Variants in NELL1 observed in about 807,000 individuals in gnomAD.
NELL1 encodes neural EGFL like 1.
A neutral mutation model predicts 107.4 loss-of-function variants in NELL1; 76 were observed. The observed-to-expected ratio is 0.71, with a 90% confidence interval of 0.59 to 0.86. The LOEUF (loss-of-function observed/expected upper bound fraction) is 0.86. Among genes scored for constraint, NELL1 ranks in the 40% least tolerant of loss-of-function variants. NELL1 has a pLI of 0.00. For missense variants in NELL1, 1,024 were observed against 1,005.5 expected, an observed-to-expected ratio of 1.02 and a Z score of -0.25; for synonymous variants, 353 against 341.2, an observed-to-expected ratio of 1.03 and a Z score of -0.38.
At chr11:21,200,281 A>G (rs1857239982) in intron 13 of NELL1, among the ~76,000 whole-genome samples, 1 of 152,080 alleles carries the variant, frequency 6.6e-6, no homozygotes, top group Non-Finnish European at 1.5e-5. Context: ...AAGCATTCCT[A>G]TTTCTCCACA....
At chr11:20,691,582 A>T (rs961379453) in intron 2 of NELL1, among the ~76,000 whole-genome samples, 3 of 152,166 alleles carry the variant, frequency 2.0e-5, no homozygotes, top group Admixed American at 6.6e-5. Flanking sequence ...ATGCTGGATT[A>T]CATTTATTGA....
intron 15 of NELL1, among the ~76,000 whole-genome samples, chr11:21,448,687 C>T (rs1009634461): frequency 6.6e-6 from 1 of 152,096 alleles, no homozygotes; most frequent in Admixed American, 6.5e-5. Flanking sequence ...TCAAGCAATC[C>T]TAAAATTTCC....
chr11:21,415,845 T>A (rs1433773383), intron 15 of NELL1, among the ~76,000 whole-genome samples: 1 of 152,086 alleles, frequency 6.6e-6, no homozygotes, highest in Non-Finnish European at 1.5e-5. Context: ...GTATGCCAAA[T>A]GACACTTTAA....
intron 15 of NELL1, among the ~76,000 whole-genome samples, chr11:21,393,313 A>G (rs1471432842): frequency 3.3e-5 from 5 of 151,596 alleles, no homozygotes; most frequent in Non-Finnish European, 5.9e-5. Flanking sequence ...GAAATAGTGT[A>G]GAAAGACCAG....
intron 3 of NELL1, among the ~76,000 whole-genome samples, chr11:20,837,535 C>T (rs1343671564): frequency 6.6e-6 from 1 of 152,152 alleles, no homozygotes; most frequent in Non-Finnish European, 1.5e-5. Context: ...GCATACCATT[C>T]TCCAGTAGAA....
intron 14 of NELL1, among the ~76,000 whole-genome samples, chr11:21,338,360 G>A (rs1850484000): frequency 6.6e-6 from 1 of 152,168 alleles, no homozygotes; most frequent in African/African-American, 2.4e-5. Context: ...AATACATATG[G>A]TTGCCCATCA....
intron 12 of NELL1, among the ~76,000 whole-genome samples, chr11:21,066,329 T>C (rs1853868950): frequency 6.6e-6 from 1 of 152,198 alleles, no homozygotes; most frequent in Non-Finnish European, 1.5e-5. Flanking sequence ...GCATGGATAG[T>C]TGCCTGTGAT....
chr11:21,491,673 C>T (rs566443125), intron 15 of NELL1, among the ~76,000 whole-genome samples: 22 of 152,126 alleles, frequency 1.4e-4, no homozygotes, highest in Middle Eastern at 3.4e-3. Flanking sequence ...ATTGTCTTGG[C>T]GATGTGGGCT....
At chr11:20,996,810 C>T (rs1006160231) in intron 12 of NELL1, among the ~76,000 whole-genome samples, 1 of 152,076 alleles carries the variant, frequency 6.6e-6, no homozygotes, top group African/African-American at 2.4e-5. Flanking sequence ...GGGTTTTTAT[C>T]TTCCCGATTT....
intron 12 of NELL1, among the ~76,000 whole-genome samples, chr11:20,977,264 A>ATTTTTT (rs558154042): frequency 7.6e-6 from 1 of 131,166 alleles, no homozygotes; most frequent in Non-Finnish European, 1.6e-5. Context: ...AATTAAATCT[A>ATTTTTT]TTTTTTTTTT....
chr11:21,186,379 G>A (rs1372926692), intron 13 of NELL1, among the ~76,000 whole-genome samples: 2 of 151,878 alleles, frequency 1.3e-5, no homozygotes, highest in Non-Finnish European at 2.9e-5. Flanking sequence ...GTGAGTATAT[G>A]TGTGTTCATA....
chr11:21,427,168 G>T (rs946106330), intron 15 of NELL1, among the ~76,000 whole-genome samples: 5 of 152,100 alleles, frequency 3.3e-5, no homozygotes, highest in Non-Finnish European at 7.4e-5. Flanking sequence ...TTTTCATGTC[G>T]CTATGTCTCA....
intron 12 of NELL1, among the ~76,000 whole-genome samples, chr11:21,043,366 C>T (rs559517069): frequency 7.9e-5 from 12 of 152,168 alleles, no homozygotes; most frequent in African/African-American, 2.4e-4. Flanking sequence ...GATTTTAATA[C>T]ATGCTAGATG....
chr11:21,158,208 C>T (rs1184029653), intron 13 of NELL1, among the ~76,000 whole-genome samples: 1 of 152,088 alleles, frequency 6.6e-6, no homozygotes, highest in Non-Finnish European at 1.5e-5. Context: ...GCCTCTTGGG[C>T]CTTTGGCCAG....
At chr11:20,871,107 G>A (rs1016716267) in intron 4 of NELL1, among the ~76,000 whole-genome samples, 1 of 152,198 alleles carries the variant, frequency 6.6e-6, no homozygotes, top group Non-Finnish European at 1.5e-5. Flanking sequence ...GTTCTTAATA[G>A]AAGTAGCTAC....
intron 2 of NELL1, among the ~76,000 whole-genome samples, chr11:20,712,766 G>A (rs1340547827): frequency 1.3e-5 from 2 of 152,180 alleles, no homozygotes; most frequent in East Asian, 1.9e-4. Context: ...TAGCCATCCA[G>A]TGGGGCTACC....
intron 14 of NELL1, among the ~76,000 whole-genome samples, chr11:21,362,010 G>C (rs2133739037): frequency 6.6e-6 from 1 of 152,244 alleles, no homozygotes; most frequent in Middle Eastern, 3.4e-3. Flanking sequence ...TTCTGGGTTT[G>C]GCTCCATTGC....
chr11:21,432,429 C>T (rs887359677), intron 15 of NELL1, among the ~76,000 whole-genome samples: 2 of 152,118 alleles, frequency 1.3e-5, no homozygotes, highest in African/African-American at 2.4e-5. Context: ...TATTGATTCT[C>T]CACCCTAAAC....
intron 15 of NELL1, among the ~76,000 whole-genome samples, chr11:21,510,247 C>T (rs990377317): frequency 2.0e-5 from 3 of 152,222 alleles, no homozygotes; most frequent in Admixed American, 6.5e-5. Context: ...TATGAATGTG[C>T]ATAGAGGCAG....
Sources: gnomAD v4.1 joint callset for allele counts (sites outside exome capture counted in the v4.1 genomes callset) on GRCh38, gnomAD v4.1.1 for gene constraint, MANE v1.5 for transcripts, NCBI Gene and HGNC (gene_info 2026-07-23, HGNC 2026-07-21) for gene names.